The following VWC2 variants were observed in gnomAD, a reference collection of about 807,000 sequenced individuals.
The protein encoded by VWC2 is brorin.
In VWC2, 14 loss-of-function variants were observed where a neutral mutation model predicts 29.8. That is an observed-to-expected ratio of 0.47 (90% CI 0.31 to 0.74). The LOEUF (loss-of-function observed/expected upper bound fraction) is 0.74. VWC2 is among the 30% of genes least tolerant of loss of function. The probability of loss-of-function intolerance (pLI) is 0.05; values close to 1 mark genes in which losing one functional copy is unlikely to be tolerated. For missense variants in VWC2, 457 were observed against 459.8 expected (o/e 0.99, Z 0.05); for synonymous variants, 213 against 199.0 (o/e 1.07, Z -0.59).
At chr7:49,849,080 A>G (rs750101411) in intron 3 of VWC2, among the ~76,000 whole-genome samples, 2 of 152,102 alleles carry the variant, frequency 1.3e-5, no homozygotes, top group African/African-American at 4.8e-5. Flanking sequence ...CTTCCCTCGC[A>G]TTTCTTGTCC....
intron 3 of VWC2, among the ~76,000 whole-genome samples, chr7:49,837,278 G>C (rs958506902): frequency 1.3e-5 from 2 of 152,190 alleles, no homozygotes; most frequent in African/African-American, 4.8e-5. Flanking sequence ...ATTGGCTTGA[G>C]GAATAGAACT....
intron 3 of VWC2, among the ~76,000 whole-genome samples, chr7:49,841,437 T>C (rs924949125): frequency 6.6e-6 from 1 of 152,136 alleles, no homozygotes; most frequent in Admixed American, 6.5e-5. Flanking sequence ...TGGTGGAATT[T>C]AAGGTAGGGA....
chr7:49,910,845 A>G (rs1269290501), intron 3 of VWC2, among the ~76,000 whole-genome samples: 1 of 152,202 alleles, frequency 6.6e-6, no homozygotes, highest in African/African-American at 2.4e-5. Context: ...CAGCATCCAC[A>G]TCACCTGAGA....
chr7:49,794,855 C>G (rs1371978881), intron 2 of VWC2, among the ~76,000 whole-genome samples: 1 of 152,206 alleles, frequency 6.6e-6, no homozygotes, highest in Non-Finnish European at 1.5e-5. Flanking sequence ...CTGTCCCAAT[C>G]CTTCCCACCT....
At chr7:49,907,330 T>G (rs1425864708) in intron 3 of VWC2, among the ~76,000 whole-genome samples, 1 of 152,166 alleles carries the variant, frequency 6.6e-6, no homozygotes, top group Non-Finnish European at 1.5e-5. Flanking sequence ...ATGCCAGTGA[T>G]AATACAACCA....
At chr7:49,850,606 G>C in intron 3 of VWC2, 1 of 152,196 alleles carries the variant, frequency 6.6e-6, no homozygotes, top group East Asian at 1.9e-4. Flanking sequence ...TAGTAGGCCA[G>C]ACCATGTCTA....
chr7:49,814,175 G>A (rs1789077891), intron 3 of VWC2, among the ~76,000 whole-genome samples: 1 of 152,086 alleles, frequency 6.6e-6, no homozygotes, highest in Non-Finnish European at 1.5e-5. Context: ...AAAGCCCAAT[G>A]GGTATTAATT....
intron 3 of VWC2, among the ~76,000 whole-genome samples, chr7:49,854,092 A>G (rs1230815672): frequency 2.0e-5 from 3 of 151,624 alleles, no homozygotes; most frequent in African/African-American, 4.9e-5. Flanking sequence ...TATGTGCCAC[A>G]TTTTCTTAAT....
chr7:49,823,944 T>C (rs1222937157), intron 3 of VWC2, among the ~76,000 whole-genome samples: 1 of 152,234 alleles, frequency 6.6e-6, no homozygotes, highest in Non-Finnish European at 1.5e-5. Context: ...ATTGTTATTC[T>C]TTTTATTGTT....
intron 3 of VWC2, among the ~76,000 whole-genome samples, chr7:49,872,333 G>C (rs992759485): frequency 4.6e-5 from 7 of 152,194 alleles, no homozygotes; most frequent in Middle Eastern, 3.4e-3. Flanking sequence ...TGTCCACCAA[G>C]TGTCAAGTTA....
chr7:49,899,346 A>T (rs775098381), intron 3 of VWC2, among the ~76,000 whole-genome samples: 8 of 152,026 alleles, frequency 5.3e-5, no homozygotes, highest in Non-Finnish European at 1.2e-4. Flanking sequence ...ATTAAAGTTT[A>T]GGAGTTTTTT....
intron 3 of VWC2, among the ~76,000 whole-genome samples, chr7:49,909,255 C>T (rs765896771): frequency 4.3e-4 from 66 of 152,110 alleles, no homozygotes; most frequent in Non-Finnish European, 8.1e-4. Flanking sequence ...GTGCAAAGCA[C>T]GATGACAGAT....
chr7:49,912,860 A>G lies in VWC2; in HGVS notation c.*675A>G, dbSNP rs1179268612. 1 of 152,160 alleles carries G rather than the reference A, an allele frequency of 6.6e-6. No homozygotes were observed. The highest frequency in any genetic ancestry group is 2.4e-5 in the African/African-American group (1 of 41,430). 9.4% of individuals were successfully genotyped at this position (152,160 alleles called of 1,614,324 possible). ...TTTCCCCTAAGCTCCTGTATTGTAC[A>G]CCATAGGTAAGCACATACATATATT... On this transcript the variant is annotated 3_prime_UTR_variant, in exon 4 of 4. Coordinates refer to ENST00000340652, the MANE Select transcript of VWC2 (RefSeq NM_198570.5).
intron 3 of VWC2, 28 bp downstream of exon 3, chr7:49,802,868 G>T (rs561524992): frequency 2.5e-6 from 4 of 1,613,770 alleles, no homozygotes; most frequent in Admixed American, 3.3e-5. Flanking sequence ...TGGTGACGGG[G>T]TGCACCTCCC....
intron 3 of VWC2, among the ~76,000 whole-genome samples, chr7:49,831,033 C>G (rs1251299176): frequency 6.6e-6 from 1 of 152,132 alleles, no homozygotes; most frequent in Non-Finnish European, 1.5e-5. Context: ...CAGCCTCCAC[C>G]CAGACATGAC....
intron 3 of VWC2, among the ~76,000 whole-genome samples, chr7:49,824,649 A>G (rs1468986093): frequency 6.6e-6 from 1 of 152,194 alleles, no homozygotes; most frequent in Non-Finnish European, 1.5e-5. Context: ...GGAAAAACAG[A>G]CATCTTAACC....
At chr7:49,874,053 T>C (rs1294259181) in intron 3 of VWC2, among the ~76,000 whole-genome samples, 1 of 152,028 alleles carries the variant, frequency 6.6e-6, no homozygotes, top group Non-Finnish European at 1.5e-5. Context: ...ATACATGGCA[T>C]ATTTTGCTAG....
chr7:49,776,144 C>T lies in VWC2; in HGVS notation c.696+13C>T, dbSNP rs369768102. 16 of 1,496,462 alleles carry T rather than the reference C, an allele frequency of 1.1e-5. No homozygotes were observed. The highest frequency in any genetic ancestry group is 1.3e-5 in the Non-Finnish European group (15 of 1,122,100). 92.7% of individuals were successfully genotyped at this position (1,496,462 alleles called of 1,614,324 possible). ...GGAGGAGTTCGTGGTAAGATGCGAA[C>T]GCCCGCCGGGCGACTTTGCACCTTC... is the stretch of plus-strand genomic sequence containing the variant. On this transcript the variant is annotated intron_variant, in intron 2 of 3. Coordinates refer to ENST00000340652, the MANE Select transcript of VWC2 (RefSeq NM_198570.5).
intron 3 of VWC2, among the ~76,000 whole-genome samples, chr7:49,871,125 C>T (rs904917201): frequency 6.6e-6 from 1 of 152,012 alleles, no homozygotes; most frequent in African/African-American, 2.4e-5. Flanking sequence ...TTCATAAATA[C>T]AAAAGGTGAT....
Sources: allele counts gnomAD v4.1 joint callset (sites outside exome capture counted in the v4.1 genomes callset), GRCh38; gene constraint gnomAD v4.1.1; transcripts MANE v1.5; gene names NCBI Gene and HGNC (gene_info 2026-07-23, HGNC 2026-07-21).